Variants in XRCC4 observed in about 807,000 individuals in gnomAD.
XRCC4 encodes DNA repair protein XRCC4.
In XRCC4, 28 loss-of-function variants were observed where a neutral mutation model predicts 39.1. The ratio of observed to expected loss-of-function variants is 0.72; its 90% CI spans 0.53 to 0.98. XRCC4 has a LOEUF of 0.98. Ranked by LOEUF, XRCC4 falls within the 50% of genes least tolerant of loss-of-function variation. The pLI, the probability that XRCC4 is intolerant of heterozygous loss-of-function variation, is 0.00. For missense variants in XRCC4, 350 were observed against 376.4 expected (o/e 0.93, Z 0.58); for synonymous variants, 123 against 126.4 (o/e 0.97, Z 0.18).
At chr5:83,265,959 T>TA (rs1348868484) in intron 7 of XRCC4, among the ~76,000 whole-genome samples, 1 of 151,952 alleles carries the variant, frequency 6.6e-6, no homozygotes, top group Non-Finnish European at 1.5e-5. Flanking sequence ...TGTCTGTTTT[T>TA]AAAAAAAATG....
At chr5:83,207,611 C>G (rs958581259) in intron 6 of XRCC4, among the ~76,000 whole-genome samples, 2 of 152,010 alleles carry the variant, frequency 1.3e-5, no homozygotes, top group Non-Finnish European at 2.9e-5. Flanking sequence ...AAAAATAAAT[C>G]TCATCTCAAA....
intron 7 of XRCC4, among the ~76,000 whole-genome samples, chr5:83,349,496 A>G (rs1228201160): frequency 6.6e-6 from 1 of 152,222 alleles, no homozygotes; most frequent in African/African-American, 2.4e-5. Flanking sequence ...ATTCGGGACA[A>G]CTTTTACTGA....
At chr5:83,305,288 T>C in intron 7 of XRCC4, among the ~76,000 whole-genome samples, 1 of 140,700 alleles carries the variant, frequency 7.1e-6, no homozygotes, top group East Asian at 1.9e-4. Context: ...TAACTTCAGG[T>C]TTTTTTTTGT....
At chr5:83,119,127 C>CA (rs761675160) in intron 3 of XRCC4, among the ~76,000 whole-genome samples, 56 of 152,130 alleles carry the variant, frequency 3.7e-4, no homozygotes, top group Admixed American at 3.5e-3. Context: ...TTAAAAACAG[C>CA]AGTCCAAAAT....
intron 7 of XRCC4, among the ~76,000 whole-genome samples, chr5:83,292,291 C>G (rs998756481): frequency 6.6e-6 from 1 of 151,688 alleles, no homozygotes; most frequent in African/African-American, 2.4e-5. Flanking sequence ...AATTGAGAAC[C>G]CCTTTTACTG....
rs138275452 is a variant in XRCC4 at position 83,284,511 on chromosome 5, T to C, written c.893+25834T>C. Among the ~76,000 whole-genome samples, 773 of 152,250 alleles carry C rather than the reference T, an allele frequency of 5.1e-3. 8 individuals carry two copies. The highest frequency in any genetic ancestry group is 5.3e-3 in the Non-Finnish European group (362 of 67,950). ...ATGTAGGAAATTTGGGGTGAATTTT[T>C]AAATATTTTTAAATGTCATAGTTTT... On this transcript the variant is annotated intron_variant, in intron 7 of 7. Transcript: ENST00000396027.
In XRCC4 at chr5:83,195,775, A is replaced by G. The variant is rs1415083239; in HGVS notation, c.321A>G (p.Arg107=). The stretch of plus-strand genomic sequence containing the variant: ...ATGTTTTTCTTTCATTTTAGTTCAG[A>G]CTTGGTTCCTTCAACCTAGAGAAAG... ...FEKNLKDVSF[R]LGSFNLEKVE... Residue 107 remains arginine, a synonymous_variant, in exon 4 of 8, where the codon AGA becomes AGG. Transcript: ENST00000396027. The G allele has an allele frequency of 6.3e-7, 1 of 1,587,296 alleles. No homozygotes were observed. Among genetic ancestry groups the G allele is most frequent in the Admixed American group, 1.7e-5 (1 of 57,358 alleles).
At chr5:83,107,266 G>A (rs531949215) in intron 2 of XRCC4, among the ~76,000 whole-genome samples, 2 of 151,956 alleles carry the variant, frequency 1.3e-5, no homozygotes, top group Admixed American at 1.3e-4. Context: ...TTTAGTTAAG[G>A]CTTATTCCAT....
At chr5:83,097,356 T>A (rs1038672419) in intron 1 of XRCC4, among the ~76,000 whole-genome samples, 3 of 152,016 alleles carry the variant, frequency 2.0e-5, no homozygotes, top group Non-Finnish European at 4.4e-5. Flanking sequence ...TTTTGTTTTT[T>A]TTTTTTTCCT....
chr5:83,095,768 A>T (rs1353855264), intron 1 of XRCC4, among the ~76,000 whole-genome samples: 1 of 152,150 alleles, frequency 6.6e-6, no homozygotes, highest in African/African-American at 2.4e-5. Context: ...CTTAAATTGC[A>T]GTGAGAGGGG....
chr5:83,122,663 T>C (rs1050542338), intron 3 of XRCC4, among the ~76,000 whole-genome samples: 3 of 152,316 alleles, frequency 2.0e-5, no homozygotes, highest in South Asian at 2.1e-4. Context: ...TTTTCTGATA[T>C]ACAATTTAGG....
chr5:83,256,638 TA>T (rs5869173), intron 6 of XRCC4, among the ~76,000 whole-genome samples: 20,078 of 141,608 alleles, frequency 0.14, 1,572 homozygotes, highest in African/African-American at 0.23. Context: ...TGAATGTGTT[TA>T]AAAAAAAAAA....
At chr5:83,118,030 A>G (rs1442802235) in intron 3 of XRCC4, among the ~76,000 whole-genome samples, 1 of 117,082 alleles carries the variant, frequency 8.5e-6, no homozygotes, top group Non-Finnish European at 1.7e-5. Context: ...ATATATGTGT[A>G]TGTATATACA....
At chr5:83,242,162 TTGTGTG>T (rs60919474) in intron 6 of XRCC4, among the ~76,000 whole-genome samples, 6,237 of 145,318 alleles carry the variant, frequency 0.043, 388 homozygotes, top group African/African-American at 0.14. Flanking sequence ...CGTATACACA[TTGTGTG>T]TGTGTGTGTG....
At chr5:83,264,155 A>G (rs1366782337) in intron 7 of XRCC4, among the ~76,000 whole-genome samples, 2 of 152,164 alleles carry the variant, frequency 1.3e-5, no homozygotes, top group Non-Finnish European at 2.9e-5. Flanking sequence ...CCGGATGCTT[A>G]CAGTATTATC....
intron 3 of XRCC4, among the ~76,000 whole-genome samples, chr5:83,149,661 C>T (rs1748616222): frequency 6.6e-6 from 1 of 152,082 alleles, no homozygotes; most frequent in Non-Finnish European, 1.5e-5. Context: ...GGTGTTAACA[C>T]TGATTTATAA....
the XRCC4 span, among the ~76,000 whole-genome samples, chr5:83,373,069 A>G: frequency 3.9e-5 from 6 of 152,038 alleles, no homozygotes; most frequent in Non-Finnish European, 8.8e-5. Context: ...ACTCTTTTGA[A>G]CACTGATAGT....
At chr5:83,296,523 C>T (rs1231505426) in intron 7 of XRCC4, among the ~76,000 whole-genome samples, 1 of 152,018 alleles carries the variant, frequency 6.6e-6, no homozygotes, top group Non-Finnish European at 1.5e-5. Context: ...GATGTTATTT[C>T]CCCTAAATTT....
At chr5:83,165,065 T>C (rs924184484) in intron 3 of XRCC4, among the ~76,000 whole-genome samples, 7 of 152,028 alleles carry the variant, frequency 4.6e-5, no homozygotes, top group African/African-American at 7.2e-5. Context: ...TTAATCTCAT[T>C]ATAAATAGCA....
Sources: allele counts gnomAD v4.1 joint callset (sites outside exome capture counted in the v4.1 genomes callset), GRCh38; gene constraint gnomAD v4.1.1; transcripts MANE v1.5; gene names NCBI Gene and HGNC (gene_info 2026-07-23, HGNC 2026-07-21).